The following TENM4 variants were observed in gnomAD, a reference collection of about 807,000 sequenced individuals.
The protein encoded by TENM4 is teneurin transmembrane protein 4.
TENM4 carries 82 observed loss-of-function variants against 243.3 expected under a neutral mutation model. The ratio of observed to expected loss-of-function variants is 0.34; its 90% CI spans 0.28 to 0.40. The LOEUF (loss-of-function observed/expected upper bound fraction) is 0.40, where lower values mean the gene tolerates loss of function less well. TENM4 is among the 10% of genes least tolerant of loss of function. The pLI, the probability that TENM4 is intolerant of heterozygous loss-of-function variation, is 1.00. For missense variants in TENM4, 3,138 were observed against 3,673.3 expected (o/e 0.85, Z 3.77); for synonymous variants, 1,412 against 1,456.3 (o/e 0.97, Z 0.69).
chr11:79,229,988 G>T (rs1864344464), intron 2 of TENM4, among the ~76,000 whole-genome samples: 1 of 137,306 alleles, frequency 7.3e-6, no homozygotes, highest in Non-Finnish European at 1.5e-5. Flanking sequence ...CACCATGTTT[G>T]GCTAACTTTT....
intron 6 of TENM4, among the ~76,000 whole-genome samples, chr11:78,975,283 C>A (rs1443208537): frequency 6.6e-6 from 1 of 151,884 alleles, no homozygotes; most frequent in Non-Finnish European, 1.5e-5. Flanking sequence ...CGCGCTGCCT[C>A]CAGAGGGGTG....
intron 6 of TENM4, among the ~76,000 whole-genome samples, chr11:78,980,787 C>A (rs1857775254): frequency 6.6e-6 from 1 of 152,164 alleles, no homozygotes; most frequent in Non-Finnish European, 1.5e-5. Context: ...TTAAAGAGTT[C>A]TATGAGAGCT....
chr11:79,100,600 G>T (rs1329698425), intron 4 of TENM4, among the ~76,000 whole-genome samples: 1 of 152,126 alleles, frequency 6.6e-6, no homozygotes. Context: ...CATCATCCCT[G>T]TACCTATGGC....
intron 4 of TENM4, among the ~76,000 whole-genome samples, chr11:79,129,885 C>T (rs1038524015): frequency 3.9e-5 from 6 of 152,184 alleles, no homozygotes; most frequent in Non-Finnish European, 8.8e-5. Flanking sequence ...ACTACCACAG[C>T]TGAGGCTCTC....
intron 1 of TENM4, among the ~76,000 whole-genome samples, chr11:79,417,226 TA>T (rs1858836576): frequency 6.6e-6 from 1 of 152,222 alleles, no homozygotes; most frequent in Non-Finnish European, 1.5e-5. Flanking sequence ...AAAACATGTC[TA>T]GAGTTTCCTT....
intron 1 of TENM4, among the ~76,000 whole-genome samples, chr11:79,413,900 C>A (rs1309810886): frequency 6.6e-6 from 1 of 152,090 alleles, no homozygotes; most frequent in African/African-American, 2.4e-5. Context: ...TACACATATG[C>A]ATGCACACAC....
At chr11:79,426,083 T>A (rs1050198301) in intron 1 of TENM4, among the ~76,000 whole-genome samples, 2 of 151,968 alleles carry the variant, frequency 1.3e-5, no homozygotes, top group African/African-American at 4.8e-5. Flanking sequence ...CCTTCAGGAG[T>A]AGGCTATGAA....
intron 2 of TENM4, among the ~76,000 whole-genome samples, chr11:79,264,556 C>T (rs138821683): frequency 0.019 from 2,904 of 152,174 alleles, 53 homozygotes; most frequent in Non-Finnish European, 0.032. Flanking sequence ...GTTCTGAGGG[C>T]CTCCTCTTCC....
At position 78,923,693 on chromosome 11, in the gene TENM4, CTTTTTTTTTTTTTTT is replaced by C. The variant is rs1172776088; in HGVS notation, c.494-20185_494-20171del. Among the ~76,000 whole-genome samples the C allele has an allele frequency of 5.6e-5, 3 of 53,654 alleles. No homozygotes were observed. In the Admixed American group the frequency reaches 1.0e-3, roughly 18 times the overall value. 35.2% of individuals were successfully genotyped at this position (53,654 alleles called of 152,430 possible). A position where few individuals can be genotyped will look rare whatever the true frequency, so the allele number is the denominator to read the frequency against. ...GCTGGGATGACAGGCATGCACCTGG[CTTTTTTTTTTTTTTT>C]TTTTTTTTTAAAGTAGAGATGGGGT... On this transcript the variant is annotated intron_variant, in intron 6 of 33. Coordinates refer to ENST00000278550, the MANE Select transcript of TENM4 (RefSeq NM_001098816.3).
intron 12 of TENM4, among the ~76,000 whole-genome samples, chr11:78,853,273 T>C (rs1020366125): frequency 1.3e-5 from 2 of 152,160 alleles, no homozygotes; most frequent in Non-Finnish European, 2.9e-5. Flanking sequence ...GTGCTTCTAA[T>C]ATAAACTCAG....
intron 20 of TENM4, among the ~76,000 whole-genome samples, chr11:78,736,121 T>G (rs891208735): frequency 6.6e-6 from 1 of 151,744 alleles, no homozygotes; most frequent in African/African-American, 2.4e-5. Context: ...CCCAGCTAAT[T>G]TTTGTATGTT....
At chr11:78,815,669 G>A (rs115224392) in intron 12 of TENM4, among the ~76,000 whole-genome samples, 2,617 of 152,314 alleles carry the variant, frequency 0.017, 106 homozygotes, top group African/African-American at 0.061. Flanking sequence ...TGTGGAATGA[G>A]GCACAGAAGC....
rs368479559 is a variant in TENM4, at chr11:78,787,055, A to G, written c.2208T>C (p.His736=). 198 of 1,550,640 alleles carry G rather than the reference A, an allele frequency of 1.3e-4. 2 individuals are homozygous for G. The South Asian group carries it at 2.0e-3, about 16-fold the overall frequency. Residue 736 remains histidine (H), a synonymous_variant, in exon 16 of 34, where the codon CAT becomes CAC. Transcript: ENST00000278550. ...IEICAADCGG[H]GVCVGGTCRC... Reference sequence around the variant, plus strand: ...GGCAGGTGCCCCCTACGCACACGCCATGGCCACCACAGTCGGCAGCACAGA... The same window carrying G: ...GGCAGGTGCCCCCTACGCACACGCCGTGGCCACCACAGTCGGCAGCACAGA...
intron 2 of TENM4, among the ~76,000 whole-genome samples, chr11:79,222,978 C>T (rs1021738109): frequency 3.3e-5 from 5 of 151,864 alleles, no homozygotes; most frequent in Non-Finnish European, 7.4e-5. Flanking sequence ...TACATTGGGG[C>T]CTGTCAGGGG....
At chr11:79,139,740 T>G (rs1324760521) in intron 4 of TENM4, among the ~76,000 whole-genome samples, 1 of 62,192 alleles carries the variant, frequency 1.6e-5, no homozygotes, top group African/African-American at 5.8e-5. Flanking sequence ...TATATTTATA[T>G]AAATATATAA....
intron 12 of TENM4, among the ~76,000 whole-genome samples, chr11:78,832,872 C>A (rs1858015062): frequency 6.6e-6 from 1 of 152,228 alleles, no homozygotes; most frequent in Admixed American, 6.5e-5. Flanking sequence ...ATGTTCCAAT[C>A]ACCACAGTAT....
chr11:79,157,241 T>C (rs1280761668), intron 3 of TENM4, among the ~76,000 whole-genome samples: 1 of 152,144 alleles, frequency 6.6e-6, no homozygotes, highest in Non-Finnish European at 1.5e-5. Context: ...ACTGAGGCTC[T>C]CTCTGAGCCT....
At position 79,300,711 on chromosome 11, in the gene TENM4, A is replaced by T. The variant is rs574099624; in HGVS notation, c.-320-3168T>A. ...AATATCAGTTAAACATCTTTCTCTC[A>T]GTTTCTTGGTCATCACACTTTTTCT... On this transcript the variant is annotated intron_variant, in intron 1 of 33. Coordinates refer to ENST00000278550, the MANE Select transcript of TENM4 (RefSeq NM_001098816.3). 2.4e-4 allele frequency among the ~76,000 whole-genome samples: 36 copies of T among 152,170 alleles called. 2 individuals are homozygous for T. The South Asian group carries it at 6.4e-3, about 27-fold the overall frequency.
intron 3 of TENM4, among the ~76,000 whole-genome samples, chr11:79,177,472 A>G (rs146636289): frequency 1.8e-3 from 276 of 149,930 alleles, no homozygotes; most frequent in African/African-American, 6.4e-3. Context: ...CTGAGCACCC[A>G]TAGGTATTGC....
Sources: gnomAD v4.1 joint callset for allele counts (sites outside exome capture counted in the v4.1 genomes callset) on GRCh38, gnomAD v4.1.1 for gene constraint, MANE v1.5 for transcripts, NCBI Gene and HGNC (gene_info 2026-07-23, HGNC 2026-07-21) for gene names.